PRKN: variants seen among roughly 807,000 people sequenced by gnomAD.
The protein encoded by PRKN is parkin RBR E3 ubiquitin protein ligase.
In PRKN, 56 loss-of-function variants were observed where a neutral mutation model predicts 59.5. The observed-to-expected ratio is 0.94, with a 90% CI of 0.76 to 1.18. The LOEUF is 1.18. Ranked by LOEUF, PRKN falls within the 50% of genes most tolerant of loss-of-function variation. The probability of loss-of-function intolerance (pLI) is 0.00; values close to 1 mark genes in which losing one functional copy is unlikely to be tolerated. For missense variants in PRKN, 657 were observed against 596.4 expected, an observed-to-expected ratio of 1.10 and a Z score of -1.06; for synonymous variants, 250 against 222.1, an observed-to-expected ratio of 1.13 and a Z score of -1.12.
rs1019222513 is a variant in PRKN at position 161,968,001 on chromosome 6, T to C, written c.734+5301A>G. Among the ~76,000 whole-genome samples the C allele has an allele frequency of 2.6e-5, 4 of 151,972 alleles. No homozygotes were observed. The South Asian group carries it at 8.3e-4, about 32-fold the overall frequency. On this transcript the variant is annotated intron_variant, in intron 6 of 11. Transcript: ENST00000366898. ...CTGTACCTGGGAAGATATAAGCCAG[T>C]GATGGACATTATCAGTGTGGGGCCT...
At chr6:162,589,919 C>A (rs1781232711) in intron 1 of PRKN, among the ~76,000 whole-genome samples, 2 of 152,160 alleles carry the variant, frequency 1.3e-5, no homozygotes, top group East Asian at 3.9e-4. Flanking sequence ...ATTGTGCACA[C>A]AGTAGGCATT....
At chr6:161,893,673 TAC>T (rs1374096228) in intron 6 of PRKN, among the ~76,000 whole-genome samples, 1 of 152,196 alleles carries the variant, frequency 6.6e-6, no homozygotes, top group Non-Finnish European at 1.5e-5. Context: ...ATAGGTTCTT[TAC>T]ACACACTGCT....
intron 2 of PRKN, among the ~76,000 whole-genome samples, chr6:162,286,703 C>T (rs1263992712): frequency 6.6e-6 from 1 of 152,158 alleles, no homozygotes; most frequent in Non-Finnish European, 1.5e-5. Context: ...AACATAAGTA[C>T]CTAGCAGTGA....
chr6:162,686,413 A>T (rs948582567), intron 1 of PRKN, among the ~76,000 whole-genome samples: 1 of 152,170 alleles, frequency 6.6e-6, no homozygotes, highest in South Asian at 2.1e-4. Context: ...TTGGAGGAGA[A>T]GTTTTTGTTT....
chr6:162,309,468 A>G (rs900737884), intron 2 of PRKN, among the ~76,000 whole-genome samples: 28 of 152,176 alleles, frequency 1.8e-4, no homozygotes, highest in African/African-American at 6.8e-4. Context: ...TCACAACTCT[A>G]TCCAGAAGAT....
chr6:161,779,006 C>A (rs1790074709), intron 7 of PRKN, among the ~76,000 whole-genome samples: 1 of 152,050 alleles, frequency 6.6e-6, no homozygotes, highest in African/African-American at 2.4e-5. Flanking sequence ...GTGCAATGAT[C>A]TCGGCTCACT....
At chr6:161,801,558 C>T (rs1791079569) in intron 6 of PRKN, among the ~76,000 whole-genome samples, 1 of 152,216 alleles carries the variant, frequency 6.6e-6, no homozygotes, top group Non-Finnish European at 1.5e-5. Context: ...TTTCTAAGAC[C>T]TGCCTCTGTG....
rs116924851 is a variant in PRKN at position 162,079,659 on chromosome 6, C to T, written c.535-25485G>A. On this transcript the variant is annotated intron_variant, in intron 4 of 11. Coordinates refer to ENST00000366898, the MANE Select transcript of PRKN (RefSeq NM_004562.3). ...AGCTCAGGGAGTCTTTTCTCATCTG[C>T]CCACTTCCCTCCTTCCCCACCTCTC... Among the ~76,000 whole-genome samples the T allele has an allele frequency of 1.1e-4, 16 of 152,138 alleles. 1 individual carries two copies. In the East Asian group the frequency reaches 3.1e-3, roughly 29 times the overall value.
chr6:162,503,953 C>T (rs1793494713), intron 1 of PRKN, among the ~76,000 whole-genome samples: 1 of 151,888 alleles, frequency 6.6e-6, no homozygotes, highest in Admixed American at 6.6e-5. Flanking sequence ...AAAAAGAGCA[C>T]ATCAGAATTT....
intron 1 of PRKN, among the ~76,000 whole-genome samples, chr6:162,661,743 C>T (rs1778890343): frequency 6.6e-6 from 1 of 152,152 alleles, no homozygotes; most frequent in South Asian, 2.1e-4. Flanking sequence ...TCTTTAGTCC[C>T]TCACACTTTT....
At chr6:162,170,801 C>T (rs570417891) in intron 4 of PRKN, among the ~76,000 whole-genome samples, 9 of 152,202 alleles carry the variant, frequency 5.9e-5, no homozygotes, top group African/African-American at 1.4e-4. Flanking sequence ...AAATGGTACA[C>T]GAATGGGCTG....
At chr6:161,609,146 G>T (rs1782395377) in intron 7 of PRKN, among the ~76,000 whole-genome samples, 1 of 152,174 alleles carries the variant, frequency 6.6e-6, no homozygotes, top group Non-Finnish European at 1.5e-5. Context: ...CCAATTATGG[G>T]ACAACCATAA....
At chr6:161,490,767 C>A (rs1343338716) in intron 9 of PRKN, among the ~76,000 whole-genome samples, 1 of 151,978 alleles carries the variant, frequency 6.6e-6, no homozygotes, top group Non-Finnish European at 1.5e-5. Context: ...AATTGTAATC[C>A]CCAGTGTTGA....
intron 1 of PRKN, among the ~76,000 whole-genome samples, chr6:162,518,902 C>G (rs536472631): frequency 6.6e-6 from 1 of 152,246 alleles, no homozygotes; most frequent in African/African-American, 2.4e-5. Context: ...TTGTTACTTA[C>G]GTTATTTCAT....
intron 7 of PRKN, among the ~76,000 whole-genome samples, chr6:161,632,467 T>C (rs576383915): frequency 6.6e-6 from 1 of 152,356 alleles, no homozygotes; most frequent in East Asian, 1.9e-4. Context: ...TCATTTGATC[T>C]TGCTGTTTTT....
chr6:161,524,361 C>T (rs1778943878), intron 9 of PRKN, among the ~76,000 whole-genome samples: 1 of 151,870 alleles, frequency 6.6e-6, no homozygotes, highest in South Asian at 2.1e-4. Context: ...TTTTATTTTT[C>T]CAGAGACAGG....
chr6:161,970,236 C>T (rs1780748382), intron 6 of PRKN, among the ~76,000 whole-genome samples: 1 of 151,572 alleles, frequency 6.6e-6, no homozygotes, highest in East Asian at 2.0e-4. Flanking sequence ...GGGACAGGGT[C>T]TTGCCATGTT....
chr6:161,604,861 G>A (rs950793546), intron 7 of PRKN, among the ~76,000 whole-genome samples: 4 of 152,172 alleles, frequency 2.6e-5, no homozygotes, highest in Non-Finnish European at 5.9e-5. Context: ...CTTGAGCCTG[G>A]GAGGTGGAGG....
intron 5 of PRKN, among the ~76,000 whole-genome samples, chr6:162,027,800 G>A (rs1044630334): frequency 6.6e-6 from 1 of 151,786 alleles, no homozygotes; most frequent in Non-Finnish European, 1.5e-5. Context: ...GGTTGCCTCC[G>A]TGCTTAATAC....
Sources: allele counts gnomAD v4.1 joint callset (sites outside exome capture counted in the v4.1 genomes callset), GRCh38; gene constraint gnomAD v4.1.1; transcripts MANE v1.5; gene names NCBI Gene and HGNC (gene_info 2026-07-23, HGNC 2026-07-21).